Variants in SOX6 observed in about 807,000 individuals in gnomAD.
SOX6 encodes the protein SRY-box transcription factor 6, also known as transcription factor SOX-6.
A neutral mutation model predicts 97.8 loss-of-function variants in SOX6; 11 were observed. That is an observed-to-expected ratio of 0.11 (90% CI 0.07 to 0.19). SOX6 has a LOEUF of 0.19. SOX6 is among the 10% of genes least tolerant of loss of function. SOX6 has a pLI of 1.00. For missense variants in SOX6, 810 were observed against 1,039.5 expected (o/e 0.78, Z 3.04); for synonymous variants, 360 against 371.4 (o/e 0.97, Z 0.35).
At chr11:16,651,315 A>G (rs1028306428) in intron 3 of SOX6, among the ~76,000 whole-genome samples, 5 of 152,058 alleles carry the variant, frequency 3.3e-5, no homozygotes, top group Non-Finnish European at 5.9e-5. Flanking sequence ...GGAAAAAACA[A>G]AACAAAAAAA....
chr11:16,317,148 T>G (rs1855777791), intron 3 of SOX6: 1 of 151,796 alleles, frequency 6.6e-6, no homozygotes, highest in African/African-American at 2.4e-5. Context: ...TTAAGTTTCA[T>G]AATTGAAAAA....
At position 16,137,528 on chromosome 11, in the gene SOX6, C is replaced by T. The variant is rs537918191; in HGVS notation, c.778-25605G>A. Among the ~76,000 whole-genome samples the T allele has an allele frequency of 1.2e-4, 18 of 152,252 alleles. No homozygotes were observed. In the South Asian group the frequency reaches 1.7e-3, roughly 14 times the overall value. On this transcript the variant is annotated intron_variant, in intron 6 of 15. Coordinates refer to ENST00000683767, the MANE Select transcript of SOX6 (RefSeq NM_001367873.1). ...AGTCCATTGTTTAGATGTCAAAAGA[C>T]GAGGCTGAGATAATGGTTCTTCTAG... is the stretch of plus-strand genomic sequence containing the variant.
chr11:16,463,986 A>T (rs908878252), intron 1 of SOX6, among the ~76,000 whole-genome samples: 5 of 152,220 alleles, frequency 3.3e-5, no homozygotes, highest in Middle Eastern at 3.2e-3. Flanking sequence ...TGTGGAAGAA[A>T]TGCCAGAGAA....
intron 1 of SOX6, among the ~76,000 whole-genome samples, chr11:16,441,881 G>A (rs1859509488): frequency 6.6e-6 from 1 of 152,104 alleles, no homozygotes; most frequent in Admixed American, 6.5e-5. Flanking sequence ...ACATTCTTAA[G>A]GTGAAAAAGG....
chr11:16,686,138 A>C (rs1349632060), intron 3 of SOX6, among the ~76,000 whole-genome samples: 1 of 152,242 alleles, frequency 6.6e-6, no homozygotes, highest in Non-Finnish European at 1.5e-5. Context: ...AGGGGTTGCC[A>C]CAAAGGTCTC....
At chr11:16,618,231 T>C (rs1186525787) in intron 3 of SOX6, among the ~76,000 whole-genome samples, 2 of 151,936 alleles carry the variant, frequency 1.3e-5, no homozygotes, top group African/African-American at 4.8e-5. Context: ...CAAGTACCTA[T>C]TCTTTATATT....
Position 16,186,800 on chromosome 11 carries a change from G to C in SOX6, c.691C>G (p.Arg231Gly). 1.9e-6 allele frequency: 3 copies of C among 1,613,160 alleles called. No individual in the cohort carries two copies. The highest frequency in any genetic ancestry group is 2.5e-6 in the Non-Finnish European group (3 of 1,179,802). ...EKQRQQMDLA[R>G]QQQEQIARQQ... The stretch of plus-strand genomic sequence containing the variant: ...GGGCTCACCTGTTCTTGCTGTTGGC[G>C]AGCAAGGTCCATTTGCTGCCGTTGT... The change falls in exon 5 of 16, where the codon CGC becomes GGC. Residue 231 changes from arginine (R) to glycine (G), a missense_variant. Arg to Gly is a moderately radical substitution (Grantham distance 125). Coordinates refer to ENST00000683767, the MANE Select transcript of SOX6 (RefSeq NM_001367873.1).
At chr11:16,486,240 A>T (rs10832617) in intron 4 of SOX6, among the ~76,000 whole-genome samples, 26,073 of 151,938 alleles carry the variant, frequency 0.17, 2,724 homozygotes, top group Admixed American at 0.3. Flanking sequence ...GCAGCAAGAC[A>T]ACCTGACCAA....
At chr11:16,709,664 A>G (rs924255104) in intron 3 of SOX6, among the ~76,000 whole-genome samples, 2 of 152,222 alleles carry the variant, frequency 1.3e-5, no homozygotes, top group African/African-American at 4.8e-5. Flanking sequence ...TACAACCTGC[A>G]GAACTGTGAG....
intron 13 of SOX6, among the ~76,000 whole-genome samples, chr11:16,005,765 T>C (rs909604808): frequency 6.6e-6 from 1 of 152,078 alleles, no homozygotes; most frequent in Non-Finnish European, 1.5e-5. Flanking sequence ...ATATTTCTTA[T>C]GAAATGCTTT....
chr11:15,986,874 C>T (rs1273986683), intron 14 of SOX6, among the ~76,000 whole-genome samples: 2 of 152,154 alleles, frequency 1.3e-5, no homozygotes, highest in African/African-American at 4.8e-5. Flanking sequence ...AAGATGTCAG[C>T]AGATGTTGAA....
intron 4 of SOX6, among the ~76,000 whole-genome samples, chr11:16,187,250 A>G (rs75286334): frequency 6.6e-6 from 1 of 152,056 alleles, no homozygotes; most frequent in South Asian, 2.1e-4. Context: ...TTTGCCCCCA[A>G]TCTATCTGAT....
At chr11:15,985,287 A>G (rs1200048866) in intron 15 of SOX6, among the ~76,000 whole-genome samples, 1 of 152,074 alleles carries the variant, frequency 6.6e-6, no homozygotes, top group Non-Finnish European at 1.5e-5. Flanking sequence ...AAGCTCTCTT[A>G]GTTTCCTGGC....
At chr11:16,272,662 G>C (rs1854291451) in intron 3 of SOX6, among the ~76,000 whole-genome samples, 1 of 151,636 alleles carries the variant, frequency 6.6e-6, no homozygotes. Flanking sequence ...ATAATAAATA[G>C]TTCTAGAAAA....
At chr11:16,351,676 C>T (rs1856950607) in intron 1 of SOX6, among the ~76,000 whole-genome samples, 1 of 152,054 alleles carries the variant, frequency 6.6e-6, no homozygotes, top group South Asian at 2.1e-4. Flanking sequence ...CCTGTCTCTC[C>T]CTATTTTCCT....
intron 7 of SOX6, among the ~76,000 whole-genome samples, chr11:16,104,945 C>G (rs192553337): frequency 6.6e-6 from 1 of 151,842 alleles, no homozygotes; most frequent in Admixed American, 6.6e-5. Flanking sequence ...GCTTTACCAA[C>G]GGATTCTGCC....
intron 6 of SOX6, among the ~76,000 whole-genome samples, chr11:16,166,943 A>T (rs1239785345): frequency 6.6e-6 from 1 of 152,180 alleles, no homozygotes; most frequent in African/African-American, 2.4e-5. Flanking sequence ...GAACCATGTT[A>T]TGGAGGGCCA....
At chr11:16,205,016 G>A (rs981803785) in intron 4 of SOX6, among the ~76,000 whole-genome samples, 3 of 151,870 alleles carry the variant, frequency 2.0e-5, no homozygotes, top group Admixed American at 6.6e-5. Flanking sequence ...GTTGATTTTC[G>A]TTATCATTTT....
chr11:16,220,657 G>T (rs554708482), intron 4 of SOX6, among the ~76,000 whole-genome samples: 10 of 152,042 alleles, frequency 6.6e-5, no homozygotes, highest in Non-Finnish European at 1.0e-4. Flanking sequence ...AAATTCTCTT[G>T]TTCCTATTCC....
Sources: gnomAD v4.1 joint callset for allele counts (sites outside exome capture counted in the v4.1 genomes callset) on GRCh38, gnomAD v4.1.1 for gene constraint, MANE v1.5 for transcripts, NCBI Gene and HGNC (gene_info 2026-07-23, HGNC 2026-07-21) for gene names.